The following MAF variants were observed in gnomAD, a reference collection of about 807,000 sequenced individuals.
MAF encodes MAF bZIP transcription factor.
Under a neutral mutation model 22.0 loss-of-function variants are expected in MAF, and 10 were observed. The ratio of observed to expected loss-of-function variants is 0.45; its 90% CI spans 0.28 to 0.77. The LOEUF (loss-of-function observed/expected upper bound fraction) is 0.77, where lower values mean the gene tolerates loss of function less well. Ranked by LOEUF, MAF falls within the 30% of genes least tolerant of loss-of-function variation. The pLI is 0.12. For synonymous variants in MAF, 337 were observed against 255.8 expected, an observed-to-expected ratio of 1.32 and a Z score of -3.03; for missense variants, 544 against 548.4, an observed-to-expected ratio of 0.99 and a Z score of 0.08.
downstream of MAF, among the ~76,000 whole-genome samples, chr16:79,580,896 C>A (rs940528383): frequency 6.6e-6 from 1 of 151,998 alleles, no homozygotes; most frequent in Non-Finnish European, 1.5e-5. Context: ...AGCCTTTGAG[C>A]GTTGGGAGAG....
the MAF span, among the ~76,000 whole-genome samples, chr16:79,304,854 C>A: frequency 4.6e-5 from 7 of 152,166 alleles, no homozygotes; most frequent in Non-Finnish European, 1.0e-4. Context: ...TTTATCATTT[C>A]TTTCCATGGC....
chr16:79,524,853 A>C, the MAF span, among the ~76,000 whole-genome samples: 1 of 152,246 alleles, frequency 6.6e-6, no homozygotes, highest in African/African-American at 2.4e-5. Context: ...GTGCTGTTCA[A>C]CTGTGTCAGG....
the MAF span, among the ~76,000 whole-genome samples, chr16:79,551,014 A>G: frequency 6.6e-6 from 1 of 152,120 alleles, no homozygotes; most frequent in Non-Finnish European, 1.5e-5. Flanking sequence ...GATCCCCCGC[A>G]TGGGGAGCAG....
chr16:79,488,636 T>C, the MAF span, among the ~76,000 whole-genome samples: 1 of 152,142 alleles, frequency 6.6e-6, no homozygotes, highest in Non-Finnish European at 1.5e-5. Flanking sequence ...TTACCATTAT[T>C]AGAGAGACTG....
the MAF span, among the ~76,000 whole-genome samples, chr16:79,557,743 C>G: frequency 6.6e-6 from 1 of 151,970 alleles, no homozygotes; most frequent in Non-Finnish European, 1.5e-5. Flanking sequence ...TTCATTTATT[C>G]AACTCATATG....
chr16:79,293,837 AAGAGAGAGAGAGAGAGAG>A, the MAF span, among the ~76,000 whole-genome samples: 4 of 148,324 alleles, frequency 2.7e-5, no homozygotes, highest in African/African-American at 7.5e-5. Context: ...TCTAAATGAA[AAGAGAGAGAGAGAGAGAG>A]AGAGAGAGAG....
the MAF span, among the ~76,000 whole-genome samples, chr16:79,305,941 C>T: frequency 1.3e-5 from 2 of 152,188 alleles, no homozygotes; most frequent in Non-Finnish European, 2.9e-5. Flanking sequence ...TTGTATTAGA[C>T]CCTGGGCTCC....
the MAF span, among the ~76,000 whole-genome samples, chr16:79,494,832 C>A: frequency 6.6e-6 from 1 of 152,196 alleles, no homozygotes; most frequent in Non-Finnish European, 1.5e-5. Flanking sequence ...GGACATCTGA[C>A]AAACTGGCTA....
chr16:79,579,849 A>G, the MAF span, among the ~76,000 whole-genome samples: 1 of 152,128 alleles, frequency 6.6e-6, no homozygotes, highest in African/African-American at 2.4e-5. Flanking sequence ...GCTGAAGAGG[A>G]TGGGAATATC....
At chr16:79,542,949 G>A in the MAF span, among the ~76,000 whole-genome samples, 1 of 152,314 alleles carries the variant, frequency 6.6e-6, no homozygotes, top group South Asian at 2.1e-4. Flanking sequence ...CCCATTGTGT[G>A]ACCTTACAGG....
At chr16:79,289,912 C>T in the MAF span, among the ~76,000 whole-genome samples, 1 of 130,876 alleles carries the variant, frequency 7.6e-6, no homozygotes, top group Non-Finnish European at 1.5e-5. Context: ...AGTGCAGTGG[C>T]GTGGTGCAGT....
At chr16:79,286,687 C>T in the MAF span, among the ~76,000 whole-genome samples, 1 of 152,306 alleles carries the variant, frequency 6.6e-6, no homozygotes, top group African/African-American at 2.4e-5. Flanking sequence ...TCAGAGCTAC[C>T]CACAGACATT....
At chr16:79,500,041 C>G in the MAF span, among the ~76,000 whole-genome samples, 20 of 152,222 alleles carry the variant, frequency 1.3e-4, no homozygotes, top group African/African-American at 4.8e-4. Flanking sequence ...AGCAGCAAGC[C>G]AAGGAATGCC....
chr16:79,312,379 G>A, the MAF span, among the ~76,000 whole-genome samples: 31,514 of 152,096 alleles, frequency 0.21, 4,743 homozygotes, highest in East Asian at 0.61. Context: ...GGACATTAAC[G>A]TCTATCTTTT....
chr16:79,378,113 T>A, the MAF span, among the ~76,000 whole-genome samples: 1 of 152,174 alleles, frequency 6.6e-6, no homozygotes, highest in Non-Finnish European at 1.5e-5. Flanking sequence ...ATAAATTACC[T>A]TGGGAAGTAT....
the MAF span, among the ~76,000 whole-genome samples, chr16:79,313,877 C>G: frequency 6.6e-6 from 1 of 152,158 alleles, no homozygotes; most frequent in African/African-American, 2.4e-5. Flanking sequence ...TGGAAAGTCT[C>G]ACAAACTTTC....
chr16:79,473,781 C>T, the MAF span, among the ~76,000 whole-genome samples: 7 of 152,270 alleles, frequency 4.6e-5, no homozygotes, highest in Admixed American at 6.5e-5. Context: ...GGATTTTACA[C>T]TTAAAGATAC....
chr16:79,356,688 G>A, the MAF span, among the ~76,000 whole-genome samples: 5 of 152,180 alleles, frequency 3.3e-5, no homozygotes, highest in South Asian at 2.1e-4. Flanking sequence ...ACTTTCCACT[G>A]GCTCTCAGTT....
chr16:79,376,752 C>T, the MAF span, among the ~76,000 whole-genome samples: 3 of 152,272 alleles, frequency 2.0e-5, no homozygotes, highest in Middle Eastern at 3.4e-3. Context: ...TCAATTCCCA[C>T]CTATGAGTGA....
Sources: allele counts gnomAD v4.1 joint callset (sites outside exome capture counted in the v4.1 genomes callset), GRCh38; gene constraint gnomAD v4.1.1; transcripts MANE v1.5; gene names NCBI Gene and HGNC (gene_info 2026-07-23, HGNC 2026-07-21).